ANKRD13B: variants seen among roughly 807,000 people sequenced by gnomAD.
ANKRD13B encodes the protein ankyrin repeat domain-containing protein 13B.
In ANKRD13B, 33 loss-of-function variants were observed where a neutral mutation model predicts 74.4. The ratio of observed to expected loss-of-function variants is 0.44; its 90% confidence interval spans 0.34 to 0.59. The LOEUF (loss-of-function observed/expected upper bound fraction) is 0.59. ANKRD13B is among the 20% of genes least tolerant of loss of function. The pLI is 0.02. For missense variants in ANKRD13B, 676 were observed against 877.9 expected (o/e 0.77, Z 2.91); for synonymous variants, 341 against 362.9 (o/e 0.94, Z 0.68).
Position 29,593,531 on chromosome 17 carries a change from C to G in ANKRD13B, c.-91C>G. ...GCCGCAGCCCCGCGAGCAGGCAGCG[C>G]CGGCCCCCCGCCCCGCGGCCCCGGG... On this transcript the variant is annotated 5_prime_UTR_variant, in exon 1 of 15. Coordinates refer to ENST00000394859, the MANE Select transcript of ANKRD13B (RefSeq NM_152345.5). 1 of 450,310 alleles carries G rather than the reference C, an allele frequency of 2.2e-6. No homozygotes were observed. The highest frequency in any genetic ancestry group is 2.9e-6 in the Non-Finnish European group (1 of 339,800). 27.9% of individuals were successfully genotyped at this position (450,310 alleles called of 1,614,324 possible).
At chr17:29,605,973 CAT>C (rs2034357133) in intron 1 of ANKRD13B, among the ~76,000 whole-genome samples, 2 of 151,780 alleles carry the variant, frequency 1.3e-5, no homozygotes, top group African/African-American at 4.8e-5. Context: ...AGTGCAGTGG[CAT>C]GATCTCGGCT....
chr17:29,613,073 C>A, intron 14 of ANKRD13B, 110 bp downstream of exon 14: 1 of 1,416,332 alleles, frequency 7.1e-7, no homozygotes, highest in Non-Finnish European at 9.6e-7. Context: ...CTCCTGGTAT[C>A]GGGATGGCTT....
chr17:29,607,026 G>A (rs1013672537), intron 1 of ANKRD13B, among the ~76,000 whole-genome samples: 1 of 151,864 alleles, frequency 6.6e-6, no homozygotes, highest in Admixed American at 6.6e-5. Context: ...CTCCAGCCTA[G>A]CCAACAGAGT....
In ANKRD13B at chr17:29,612,211, T is replaced by G; in HGVS notation, c.1196T>G (p.Leu399Arg). The change falls in exon 11 of 15, where the codon CTT becomes CGT. Residue 399 changes from leucine (L) to arginine (R), a missense_variant. Leu to Arg is a moderately radical substitution (Grantham distance 102). Coordinates refer to ENST00000394859, the MANE Select transcript of ANKRD13B (RefSeq NM_152345.5). The surrounding 1 kb of genome is among the most constrained non-coding windows in gnomAD (Gnocchi z 6.1). ...IIDLMAVSNA[L>R]FAKLRDFITL... Reference sequence around the variant, plus strand: ...GACCTCATGGCCGTCAGCAATGCGCTTTTTGCCAAGCTCCGGGACTTCATC... The same window carrying G: ...GACCTCATGGCCGTCAGCAATGCGCGTTTTGCCAAGCTCCGGGACTTCATC... 6.2e-7 allele frequency: 1 copy of G among 1,614,144 alleles called. No homozygotes were observed. The highest frequency in any genetic ancestry group is 8.5e-7 in the Non-Finnish European group (1 of 1,180,030).
In ANKRD13B at chr17:29,593,609, T is replaced by G. The variant is rs1186051720; in HGVS notation, c.-13T>G. ...CCGGCCGGGCGCCGCGGCCCCGGCA[T>G]GAGGAGCGGGCGATGATCCCCGCCA... On this transcript the variant is annotated 5_prime_UTR_variant, in exon 1 of 15. An upstream start codon of the reference 5' UTR is lost. Transcript: ENST00000394859. 4 of 1,294,054 alleles carry G rather than the reference T, an allele frequency of 3.1e-6. No individual in the cohort carries two copies. The highest frequency in any genetic ancestry group is 1.6e-5 in the African/African-American group (1 of 63,784). The allele number at this position is 1,294,054 out of a possible 1,614,324, so 80.2% of individuals were successfully genotyped here. A position where few individuals can be genotyped will look rare whatever the true frequency, so the allele number is the denominator to read the frequency against.
intron 1 of ANKRD13B, among the ~76,000 whole-genome samples, chr17:29,598,024 C>G (rs932974079): frequency 6.6e-6 from 1 of 152,204 alleles, no homozygotes; most frequent in African/African-American, 2.4e-5. Flanking sequence ...GGCTGGGAGG[C>G]CTGGATTGCT....
chr17:29,603,859 A>G (rs2034265653), intron 1 of ANKRD13B, among the ~76,000 whole-genome samples: 2 of 147,190 alleles, frequency 1.4e-5, no homozygotes, highest in African/African-American at 2.5e-5. Context: ...TCTCCTGATT[A>G]TAGGTTATAT....
chr17:29,593,750 G>A lies in ANKRD13B; in HGVS notation c.114+15G>A. 1 of 1,362,892 alleles carries A rather than the reference G, an allele frequency of 7.3e-7. No homozygotes were observed. The highest frequency in any genetic ancestry group is 1.5e-5 in the African/African-American group (1 of 65,170). 84.4% of individuals were successfully genotyped at this position (1,362,892 alleles called of 1,614,324 possible). ...GCGCGGGCCAGGTAGGAGCGCCTTC[G>A]GGGCGCCGCGGGGACCCCGCGGCCG... On this transcript the variant is annotated intron_variant, in intron 1 of 14. Coordinates refer to ENST00000394859, the MANE Select transcript of ANKRD13B (RefSeq NM_152345.5).
At chr17:29,610,324 A>G (rs545106014) in intron 7 of ANKRD13B, among the ~76,000 whole-genome samples, 1 of 152,026 alleles carries the variant, frequency 6.6e-6, no homozygotes, top group Admixed American at 6.5e-5. Flanking sequence ...CTGCTTCTGT[A>G]GTCTGGGAAG....
intron 1 of ANKRD13B, among the ~76,000 whole-genome samples, chr17:29,604,214 G>A (rs2034282741): frequency 6.6e-6 from 1 of 150,530 alleles, no homozygotes; most frequent in African/African-American, 2.4e-5. Context: ...ACCTTTTTGA[G>A]GCTTTTTTTT....
Position 29,612,208 on chromosome 17 carries a change from C to T in ANKRD13B, c.1193C>T (p.Ala398Val). 1.9e-6 allele frequency: 3 copies of T among 1,614,152 alleles called. No homozygotes were observed. Among genetic ancestry groups the T allele is most frequent in the Non-Finnish European group, 2.5e-6 (3 of 1,180,024 alleles). Residue 398 changes from alanine (A) to valine (V), a missense_variant, in exon 11 of 15, where the codon GCG becomes GTG. Transcript: ENST00000394859. The surrounding 1 kb of genome is among the most constrained non-coding windows in gnomAD (Gnocchi z 6.1). ...ATTGACCTCATGGCCGTCAGCAATGCGCTTTTTGCCAAGCTCCGGGACTTC... is the reference window on the plus strand; with the variant it reads ...ATTGACCTCATGGCCGTCAGCAATGTGCTTTTTGCCAAGCTCCGGGACTTC... Reference protein sequence around the residue: ...PIIDLMAVSNALFAKLRDFIT... With the variant: ...PIIDLMAVSNVLFAKLRDFIT...
chr17:29,613,695 C>G lies in ANKRD13B; in HGVS notation c.*113C>G. On this transcript the variant is annotated 3_prime_UTR_variant, in exon 15 of 15. Transcript: ENST00000394859. ...CGGCGGCTGGAGACTGGAGCCACCG[C>G]CTCGCGGGTGCAGCAGCACAGCAGG... The G allele has an allele frequency of 7.3e-7, 1 of 1,361,746 alleles. No individual in the cohort carries two copies. The highest frequency in any genetic ancestry group is 3.1e-5 in the East Asian group (1 of 32,430). The allele number at this position is 1,361,746 out of a possible 1,614,324, so 84.4% of individuals were successfully genotyped here. A position where few individuals can be genotyped will look rare whatever the true frequency, so the allele number is the denominator to read the frequency against.
chr17:29,613,210 G>A, intron 14 of ANKRD13B, 144 bp from the exon 15 acceptor site: 1 of 1,339,468 alleles, frequency 7.5e-7, no homozygotes, highest in Non-Finnish European at 9.9e-7. Flanking sequence ...CCACGACCAG[G>A]TGGGGGCCAG....
chr17:29,606,262 A>C (rs987767657), intron 1 of ANKRD13B, among the ~76,000 whole-genome samples: 50 of 151,596 alleles, frequency 3.3e-4, no homozygotes, highest in African/African-American at 1.2e-3. Flanking sequence ...AATATATTTA[A>C]ATACTTATGC....
At position 29,608,348 on chromosome 17, in the gene ANKRD13B, C is replaced by A. The variant is rs560639606; in HGVS notation, c.421+108C>A. 10 of 1,456,762 alleles carry A rather than the reference C, an allele frequency of 6.9e-6. No homozygotes were observed. The highest frequency in any genetic ancestry group is 4.2e-5 in the African/African-American group (3 of 71,654). 90.2% of individuals were successfully genotyped at this position (1,456,762 alleles called of 1,614,324 possible). A position where few individuals can be genotyped will look rare whatever the true frequency, so the allele number is the denominator to read the frequency against. On this transcript the variant is annotated intron_variant, in intron 4 of 14. Coordinates refer to ENST00000394859, the MANE Select transcript of ANKRD13B (RefSeq NM_152345.5). This position sits in a 1 kb window ranked among gnomAD's most constrained non-coding sequence, Gnocchi z 6.4. ...AGTTCTTCCGGCGGTTCCCTCTATG[C>A]CTTAGCTCAGCTCAGGGCCACCGCC...
intron 1 of ANKRD13B, among the ~76,000 whole-genome samples, chr17:29,606,759 A>AT (rs2034397020): frequency 2.6e-5 from 3 of 115,836 alleles, no homozygotes; most frequent in African/African-American, 9.8e-5. Context: ...AAAAAAAAAA[A>AT]ATCTTTTGTC....
chr17:29,612,332 G>A lies in ANKRD13B; in HGVS notation c.1258+59G>A. 4 of 1,611,760 alleles carry A rather than the reference G, an allele frequency of 2.5e-6. No individual in the cohort carries two copies. Among genetic ancestry groups the A allele is most frequent in the Non-Finnish European group, 3.4e-6 (4 of 1,178,296 alleles). On this transcript the variant is annotated intron_variant, in intron 11 of 14. Transcript: ENST00000394859. This position sits in a 1 kb window ranked among gnomAD's most constrained non-coding sequence, Gnocchi z 6.1. ...GGCGGGCCGACCGGGGTTTAGATGA[G>A]GTCGGGGTGGGGCTGAGGCTGAGGT...
Position 29,609,740 on chromosome 17 carries a change from A to C in ANKRD13B, c.822+319A>C, listed in dbSNP as rs2034514854. On this transcript the variant is annotated intron_variant, in intron 7 of 14. Coordinates refer to ENST00000394859, the MANE Select transcript of ANKRD13B (RefSeq NM_152345.5). The surrounding 1 kb of genome is among the most constrained non-coding windows in gnomAD (Gnocchi z 4.0). ...CCTTGGCATCCCATTTACTCTTCAC[A>C]ACAACCCCAGGAAGTAGGGATGATC... is the stretch of plus-strand genomic sequence containing the variant. Among the ~76,000 whole-genome samples the C allele has an allele frequency of 6.6e-6, 1 of 152,164 alleles. No individual in the cohort carries two copies. Among genetic ancestry groups the C allele is most frequent in the Non-Finnish European group, 1.5e-5 (1 of 68,032 alleles).
rs1055334021 is a variant in ANKRD13B at position 29,607,650 on chromosome 17, G to A, written c.115-92G>A. The stretch of plus-strand genomic sequence containing the variant: ...AGGCAGAGCAGCCCCAGCAGGGGGT[G>A]GGGGTTGCTGCCTGCTCCAGGGCTG... On this transcript the variant is annotated intron_variant, in intron 1 of 14. Coordinates refer to ENST00000394859, the MANE Select transcript of ANKRD13B (RefSeq NM_152345.5). 1.1e-5 allele frequency: 17 copies of A among 1,492,060 alleles called. No homozygotes were observed. In the African/African-American group the frequency reaches 1.3e-4, roughly 11 times the overall value. The allele number at this position is 1,492,060 out of a possible 1,614,324, so 92.4% of individuals were successfully genotyped here.
Sources: gnomAD v4.1 joint callset for allele counts (sites outside exome capture counted in the v4.1 genomes callset) on GRCh38, gnomAD v4.1.1 for gene constraint, Gnocchi (gnomAD v3.1) non-coding constraint, MANE v1.5 for transcripts, NCBI Gene and HGNC (gene_info 2026-07-23, HGNC 2026-07-21) for gene names.